Variants in RAB39A observed in about 807,000 individuals in gnomAD.
RAB39A encodes the protein RAB39A, member RAS oncogene family.
Under a neutral mutation model 20.9 loss-of-function variants are expected in RAB39A, and 17 were observed. The ratio of observed to expected loss-of-function variants is 0.81; its 90% CI spans 0.56 to 1.22. The LOEUF (loss-of-function observed/expected upper bound fraction) is 1.22. Ranked by LOEUF, RAB39A falls within the 50% of genes most tolerant of loss-of-function variation. The pLI, the probability that RAB39A is intolerant of heterozygous loss-of-function variation, is 0.00. For synonymous variants in RAB39A, 99 were observed against 103.4 expected, an observed-to-expected ratio of 0.96 and a Z score of 0.26; for missense variants, 234 against 270.5, an observed-to-expected ratio of 0.87 and a Z score of 0.95.
chr11:107,947,412 G>T (rs943661918), intron 1 of RAB39A, among the ~76,000 whole-genome samples: 8 of 152,006 alleles, frequency 5.3e-5, no homozygotes, highest in Non-Finnish European at 1.2e-4. Flanking sequence ...TGGCCAAGAT[G>T]ATTTTTCTTT....
At chr11:107,950,039 G>T (rs920460723) in intron 1 of RAB39A, among the ~76,000 whole-genome samples, 3 of 152,020 alleles carry the variant, frequency 2.0e-5, no homozygotes, top group African/African-American at 7.2e-5. Flanking sequence ...AATTAGCCGG[G>T]CGTGGTGGCC....
chr11:107,929,888 A>G (rs1022599640), intron 1 of RAB39A, among the ~76,000 whole-genome samples: 4 of 152,142 alleles, frequency 2.6e-5, no homozygotes, highest in South Asian at 2.1e-4. Context: ...TATCCATTGG[A>G]ACTCATTTAA....
intron 1 of RAB39A, among the ~76,000 whole-genome samples, chr11:107,958,982 T>C (rs1052888773): frequency 6.6e-6 from 1 of 151,768 alleles, no homozygotes; most frequent in African/African-American, 2.4e-5. Context: ...TAGCTGGGCA[T>C]GGTGGTGGGC....
intron 1 of RAB39A, among the ~76,000 whole-genome samples, chr11:107,955,377 G>T (rs1032568557): frequency 6.6e-6 from 1 of 152,082 alleles, no homozygotes; most frequent in Non-Finnish European, 1.5e-5. Flanking sequence ...ATTCCAGGCT[G>T]CTAGAGGTAC....
intron 1 of RAB39A, among the ~76,000 whole-genome samples, chr11:107,930,999 G>C (rs917861442): frequency 6.9e-6 from 1 of 145,884 alleles, no homozygotes; most frequent in African/African-American, 2.5e-5. Flanking sequence ...TTTTTGAGAC[G>C]GAGTTTCGCT....
At chr11:107,932,817 T>C (rs1352175276) in intron 1 of RAB39A, among the ~76,000 whole-genome samples, 2 of 152,096 alleles carry the variant, frequency 1.3e-5, no homozygotes, top group Non-Finnish European at 2.9e-5. Flanking sequence ...TTCAAGCAAT[T>C]ATTATGCCTC....
chr11:107,950,051 G>A (rs146182843), intron 1 of RAB39A, among the ~76,000 whole-genome samples: 1 of 151,838 alleles, frequency 6.6e-6, no homozygotes, highest in African/African-American at 2.4e-5. Flanking sequence ...GTGGTGGCCG[G>A]CCCCTGTAGT....
At chr11:107,940,274 ATTT>A (rs141459294) in intron 1 of RAB39A, among the ~76,000 whole-genome samples, 6 of 149,496 alleles carry the variant, frequency 4.0e-5, no homozygotes, top group Non-Finnish European at 7.4e-5. Flanking sequence ...TATTATTATT[ATTT>A]TTTTTTTAGA....
In RAB39A at chr11:107,928,450, C is replaced by G. The variant is rs1861103023; in HGVS notation, c.-119C>G. ...GGCGGGCACCAGGCGGCGGCCGCAG[C>G]CGCAGGAATATGCTGGAAGGCGGCG... On this transcript the variant is annotated 5_prime_UTR_variant, in exon 1 of 2. Coordinates refer to ENST00000320578, the MANE Select transcript of RAB39A (RefSeq NM_017516.3). This position sits in a 1 kb window ranked among gnomAD's most constrained non-coding sequence, Gnocchi z 4.9. 2.8e-6 allele frequency: 2 copies of G among 704,854 alleles called. No homozygotes were observed. The highest frequency in any genetic ancestry group is 4.0e-6 in the Non-Finnish European group (2 of 495,088). 43.7% of individuals were successfully genotyped at this position (704,854 alleles called of 1,614,324 possible).
Position 107,950,353 on chromosome 11 carries a change from G to A in RAB39A, c.228-11593G>A, listed in dbSNP as rs550867382. 1.6e-4 allele frequency among the ~76,000 whole-genome samples: 25 copies of A among 152,222 alleles called. No individual in the cohort carries two copies. In the South Asian group the frequency reaches 4.6e-3, roughly 28 times the overall value. ...TCTCCCATTTCCTCAGCATTTGAAT[G>A]CTGCCTGGGCACAAGCTAATGAGGT... is the stretch of plus-strand genomic sequence containing the variant. On this transcript the variant is annotated intron_variant, in intron 1 of 1. Coordinates refer to ENST00000320578, the MANE Select transcript of RAB39A (RefSeq NM_017516.3).
At chr11:107,935,064 C>T (rs1487968508) in intron 1 of RAB39A, among the ~76,000 whole-genome samples, 1 of 152,060 alleles carries the variant, frequency 6.6e-6, no homozygotes, top group African/African-American at 2.4e-5. Flanking sequence ...TCCCCTAGCT[C>T]CTCTTCTGCT....
chr11:107,957,875 A>T (rs1283895416), intron 1 of RAB39A, among the ~76,000 whole-genome samples: 1 of 150,722 alleles, frequency 6.6e-6, no homozygotes, highest in East Asian at 1.9e-4. Context: ...TAAATCATCC[A>T]TTAATTCAGG....
chr11:107,949,886 A>C (rs967000148), intron 1 of RAB39A, among the ~76,000 whole-genome samples: 1 of 152,138 alleles, frequency 6.6e-6, no homozygotes, highest in African/African-American at 2.4e-5. Context: ...AAGGTGGATG[A>C]TTTTGGCCGG....
Position 107,962,287 on chromosome 11 carries a change from G to C in RAB39A, c.569G>C (p.Trp190Ser). ...KKGEICIQDG[W>S]EGVKSGFVPN... Reference sequence around the variant, plus strand: ...GGAGAAATTTGTATTCAGGATGGCTGGGAAGGGGTTAAAAGTGGTTTTGTT... The same window carrying C: ...GGAGAAATTTGTATTCAGGATGGCTCGGAAGGGGTTAAAAGTGGTTTTGTT... Residue 190 changes from tryptophan (W) to serine (S), a missense_variant, in exon 2 of 2, where the codon TGG becomes TCG. Transcript: ENST00000320578. 1 of 1,613,848 alleles carries C rather than the reference G, an allele frequency of 6.2e-7. No homozygotes were observed. Among genetic ancestry groups the C allele is most frequent in the Non-Finnish European group, 8.5e-7 (1 of 1,179,954 alleles).
intron 1 of RAB39A, among the ~76,000 whole-genome samples, chr11:107,939,348 T>G (rs888881377): frequency 4.6e-5 from 7 of 151,050 alleles, no homozygotes; most frequent in African/African-American, 1.7e-4. Context: ...GGCTCACGCC[T>G]GTAATCCCAG....
chr11:107,946,213 G>A (rs1861305851), intron 1 of RAB39A, among the ~76,000 whole-genome samples: 1 of 145,754 alleles, frequency 6.9e-6, no homozygotes, highest in Non-Finnish European at 1.5e-5. Flanking sequence ...AACTTAATAA[G>A]GGAAAAAGAG....
chr11:107,944,508 T>C (rs1360873570), intron 1 of RAB39A, among the ~76,000 whole-genome samples: 1 of 152,024 alleles, frequency 6.6e-6, no homozygotes, highest in Non-Finnish European at 1.5e-5. Flanking sequence ...TGTCTCAGCC[T>C]CCCAAGTAGC....
Position 107,963,320 on chromosome 11 carries a change from C to G in RAB39A, c.*948C>G, listed in dbSNP as rs531532078. On this transcript the variant is annotated 3_prime_UTR_variant, in exon 2 of 2. Coordinates refer to ENST00000320578, the MANE Select transcript of RAB39A (RefSeq NM_017516.3). ...TCCTCGCCTCAAGCAATTCGCCCCC[C>G]TCGGCCTCCAAAGTGCTGGAATTAT... The G allele has an allele frequency of 6.6e-6, 1 of 152,186 alleles. No homozygotes were observed. Among genetic ancestry groups the G allele is most frequent in the Admixed American group, 6.5e-5 (1 of 15,276 alleles). 9.4% of individuals were successfully genotyped at this position (152,186 alleles called of 1,614,324 possible).
rs931337796 is a variant in RAB39A at position 107,938,064 on chromosome 11, G to A, written c.227+9269G>A. Among the ~76,000 whole-genome samples the A allele has an allele frequency of 3.3e-5, 5 of 152,004 alleles. 1 individual carries two copies. Among genetic ancestry groups the A allele is most frequent in the African/African-American group, 7.2e-5 (3 of 41,496 alleles). ...TTTTATGGTGTTTGAGAGTAAAATG[G>A]TATATAAGAATGAGATGGCCAGGCA... On this transcript the variant is annotated intron_variant, in intron 1 of 1. Transcript: ENST00000320578.
Sources: allele counts gnomAD v4.1 joint callset (sites outside exome capture counted in the v4.1 genomes callset), GRCh38; gene constraint gnomAD v4.1.1; non-coding constraint Gnocchi (gnomAD v3.1); transcripts MANE v1.5; gene names NCBI Gene and HGNC (gene_info 2026-07-23, HGNC 2026-07-21).